SLMAP: variants seen among roughly 807,000 people sequenced by gnomAD.
SLMAP encodes the protein sarcolemmal membrane-associated protein.
A neutral mutation model predicts 128.8 loss-of-function variants in SLMAP; 44 were observed. The observed-to-expected ratio is 0.34, with a 90% CI of 0.27 to 0.44. The LOEUF is 0.44. Ranked by LOEUF, SLMAP falls within the 20% of genes least tolerant of loss-of-function variation. SLMAP has a pLI of 1.00. For missense variants in SLMAP, 787 were observed against 985.3 expected (o/e 0.80, Z 2.69); for synonymous variants, 327 against 348.8 (o/e 0.94, Z 0.70).
intron 2 of SLMAP, among the ~76,000 whole-genome samples, chr3:57,791,226 G>A (rs2085382272): frequency 6.6e-6 from 1 of 152,094 alleles, no homozygotes; most frequent in Non-Finnish European, 1.5e-5. Flanking sequence ...TGGGCATTGT[G>A]GAGCATGCCT....
At chr3:57,848,802 G>A (rs1472664177) in intron 5 of SLMAP, among the ~76,000 whole-genome samples, 1 of 142,044 alleles carries the variant, frequency 7.0e-6, no homozygotes, top group East Asian at 2.2e-4. Flanking sequence ...CTCCGCCTTC[G>A]AGGTTCCAGC....
chr3:57,794,556 A>C (rs1239091688), intron 2 of SLMAP, among the ~76,000 whole-genome samples: 1 of 152,126 alleles, frequency 6.6e-6, no homozygotes, highest in Non-Finnish European at 1.5e-5. Context: ...ATCACTCCCA[A>C]AAGAAAGTTT....
chr3:57,907,862 A>G, intron 17 of SLMAP, 22 bp from the exon 18 acceptor site: 1 of 1,610,004 alleles, frequency 6.2e-7, no homozygotes, highest in Non-Finnish European at 8.5e-7. Context: ...TCTTGCTTTT[A>G]AAATAAACAT....
chr3:57,790,637 T>A (rs879682568), intron 2 of SLMAP, among the ~76,000 whole-genome samples: 1 of 152,218 alleles, frequency 6.6e-6, no homozygotes, highest in African/African-American at 2.4e-5. Context: ...TATGTGAGTT[T>A]GTTAAAATGT....
intron 2 of SLMAP, among the ~76,000 whole-genome samples, chr3:57,769,189 C>T (rs2080312715): frequency 6.6e-6 from 1 of 151,448 alleles, no homozygotes; most frequent in African/African-American, 2.4e-5. Context: ...AAAGGATTTT[C>T]ATTTTATTTT....
At chr3:57,813,167 C>T (rs980261538) in intron 2 of SLMAP, among the ~76,000 whole-genome samples, 7 of 146,282 alleles carry the variant, frequency 4.8e-5, no homozygotes, top group Admixed American at 3.5e-4. Context: ...GTGATTTCGT[C>T]TCACTGTAAC....
intron 22 of SLMAP, chr3:57,918,375 T>C (rs1178158830): frequency 6.6e-6 from 1 of 152,246 alleles, no homozygotes. Flanking sequence ...CACTGAGTAA[T>C]CGGTGCAAGA....
chr3:57,849,864 T>G, intron 6 of SLMAP, 48 bp downstream of exon 6: 1 of 1,091,936 alleles, frequency 9.2e-7, no homozygotes, highest in Non-Finnish European at 1.4e-6. Context: ...TCTTTTAAAC[T>G]TTTAAAAGTT....
At chr3:57,771,740 A>C (rs1178110439) in intron 2 of SLMAP, among the ~76,000 whole-genome samples, 1 of 152,168 alleles carries the variant, frequency 6.6e-6, no homozygotes, top group East Asian at 1.9e-4. Context: ...TTCTTCTTTG[A>C]ATATATCTTT....
intron 2 of SLMAP, among the ~76,000 whole-genome samples, chr3:57,816,813 G>A (rs2091911629): frequency 6.6e-6 from 1 of 152,202 alleles, no homozygotes; most frequent in Admixed American, 6.5e-5. Flanking sequence ...TATTTAAACT[G>A]AACTTCAGAA....
At chr3:57,812,459 G>A (rs369728377) in intron 2 of SLMAP, among the ~76,000 whole-genome samples, 3 of 152,044 alleles carry the variant, frequency 2.0e-5, no homozygotes, top group Non-Finnish European at 2.9e-5. Flanking sequence ...TCTGTATGCC[G>A]GTACCATACT....
At position 57,906,315 on chromosome 3, in the gene SLMAP, T is replaced by TTTTTC. The variant is rs1470464354; in HGVS notation, c.1502-1565_1502-1564insCTTTT. On this transcript the variant is annotated intron_variant, in intron 17 of 24. Transcript: ENST00000671191. ...AAATTTTTTTCTTTTTTTTTCTTTT[T>TTTTTC]TTTTTTTTTTTTTTTTTAGAGACAC... 1.5e-4 allele frequency among the ~76,000 whole-genome samples: 18 copies of TTTTTC among 117,770 alleles called. No homozygotes were observed. In the South Asian group the frequency reaches 5.4e-3, roughly 35 times the overall value. 77.3% of individuals were successfully genotyped at this position (117,770 alleles called of 152,430 possible).
intron 2 of SLMAP, among the ~76,000 whole-genome samples, chr3:57,828,381 T>C (rs774653740): frequency 3.3e-5 from 5 of 152,174 alleles, no homozygotes; most frequent in Admixed American, 6.5e-5. Context: ...TTTTTTAATA[T>C]GTCAATCTTT....
intron 2 of SLMAP, among the ~76,000 whole-genome samples, chr3:57,783,013 G>A (rs955185173): frequency 6.6e-6 from 1 of 152,176 alleles, no homozygotes; most frequent in African/African-American, 2.4e-5. Context: ...TACCCAATCT[G>A]TGATATTGTG....
At chr3:57,843,451 G>A (rs1454021426) in intron 4 of SLMAP, among the ~76,000 whole-genome samples, 2 of 151,346 alleles carry the variant, frequency 1.3e-5, no homozygotes, top group Non-Finnish European at 2.9e-5. Context: ...GACTACAGGT[G>A]CACACCACCA....
At chr3:57,776,693 A>T (rs1363360589) in intron 2 of SLMAP, among the ~76,000 whole-genome samples, 3 of 151,060 alleles carry the variant, frequency 2.0e-5, no homozygotes, top group Admixed American at 6.6e-5. Context: ...CTCCTGGCTA[A>T]TTTTTTGTAT....
chr3:57,881,929 A>T (rs888304657), intron 14 of SLMAP, among the ~76,000 whole-genome samples: 2 of 152,142 alleles, frequency 1.3e-5, no homozygotes, highest in Non-Finnish European at 2.9e-5. Flanking sequence ...CCCGGGAGTT[A>T]GAGGCTGCAG....
intron 6 of SLMAP, among the ~76,000 whole-genome samples, chr3:57,853,728 G>C (rs369811197): frequency 2.5e-4 from 37 of 150,954 alleles, no homozygotes; most frequent in Non-Finnish European, 4.9e-4. Flanking sequence ...ATCACCTGTG[G>C]TCAGGAGTTC....
intron 4 of SLMAP, among the ~76,000 whole-genome samples, chr3:57,843,771 C>CTTT (rs1452471124): frequency 2.2e-5 from 2 of 90,320 alleles, no homozygotes; most frequent in African/African-American, 8.6e-5. Flanking sequence ...TCTTTCTTTT[C>CTTT]TTTCTTTTTT....
Sources: gnomAD v4.1 joint callset for allele counts (sites outside exome capture counted in the v4.1 genomes callset) on GRCh38, gnomAD v4.1.1 for gene constraint, MANE v1.5 for transcripts, NCBI Gene and HGNC (gene_info 2026-07-23, HGNC 2026-07-21) for gene names.